Variants in MAP3K8 observed in about 807,000 individuals in gnomAD.
MAP3K8 encodes mitogen-activated protein kinase kinase kinase 8, also known as Ewing sarcoma transformant.
A neutral mutation model predicts 45.8 loss-of-function variants in MAP3K8; 22 were observed. The ratio of observed to expected loss-of-function variants is 0.48; its 90% CI spans 0.34 to 0.69. The LOEUF (loss-of-function observed/expected upper bound fraction) is 0.69. Among genes scored for constraint, MAP3K8 ranks in the 30% least tolerant of loss-of-function variants. The pLI is 0.01. For missense variants in MAP3K8, 419 were observed against 585.0 expected, an observed-to-expected ratio of 0.72 and a Z score of 2.93; for synonymous variants, 223 against 214.3, an observed-to-expected ratio of 1.04 and a Z score of -0.36.
rs1042058 is a variant in MAP3K8 at position 30,439,172 on chromosome 10, T to C, written c.234T>C (p.Tyr78=). 901,997 of 1,613,878 alleles carry C rather than the reference T, an allele frequency of 0.56. 263,489 individuals are homozygous for C. Among genetic ancestry groups the C allele is most frequent in the Non-Finnish European group, 0.61 (717,428 of 1,179,874 alleles). ...QEVPWLSSVR[Y]GTVEDLLAFA... ...TACCATGGTTGTCATCAGTCAGATA[T>C]GGAACTGTGGAGGATTTGCTTGCTT... The change falls in exon 3 of 9, where the codon TAT becomes TAC. Residue 78 remains tyrosine, a synonymous_variant. Coordinates refer to ENST00000263056, the MANE Select transcript of MAP3K8 (RefSeq NM_005204.4).
At chr10:30,441,473 A>G (rs1836106344) in intron 3 of MAP3K8, among the ~76,000 whole-genome samples, 1 of 152,194 alleles carries the variant, frequency 6.6e-6, no homozygotes, top group Non-Finnish European at 1.5e-5. Context: ...AATTTTAAGA[A>G]TAAACAAATA....
intron 2 of MAP3K8, among the ~76,000 whole-genome samples, 193 bp downstream of exon 2, chr10:30,437,599 A>G (rs918671287): frequency 7.9e-5 from 12 of 152,222 alleles, no homozygotes; most frequent in Admixed American, 3.3e-4. Context: ...GACACAATTC[A>G]TACGTCAGAA....
At chr10:30,448,573 C>T (rs1836426774) in intron 4 of MAP3K8, among the ~76,000 whole-genome samples, 2 of 151,960 alleles carry the variant, frequency 1.3e-5, no homozygotes, top group African/African-American at 4.8e-5. Flanking sequence ...ACTGGGATTA[C>T]AGGCACCTGC....
At position 30,434,327 on chromosome 10, in the gene MAP3K8, C is replaced by CG. The variant is rs946704668; in HGVS notation, c.-300dup. The CG allele has an allele frequency of 4.5e-5, 20 of 449,364 alleles. No individual in the cohort carries two copies. Among genetic ancestry groups the CG allele is most frequent in the African/African-American group, 4.3e-4 (20 of 47,022 alleles). The allele number at this position is 449,364 out of a possible 1,614,324, so 27.8% of individuals were successfully genotyped here. A position where few individuals can be genotyped will look rare whatever the true frequency, so the allele number is the denominator to read the frequency against. Reference sequence around the variant, plus strand: ...TGCAGCCAGCATCGCACCGAACCTTCGGGGGGCCGCGGCTGGAGCGCTCGG... The same window carrying CG: ...TGCAGCCAGCATCGCACCGAACCTTCGGGGGGGCCGCGGCTGGAGCGCTCGG... On this transcript the variant is annotated 5_prime_UTR_variant, in exon 1 of 9. Transcript: ENST00000263056.
intron 3 of MAP3K8, among the ~76,000 whole-genome samples, chr10:30,441,469 A>G (rs1214888338): frequency 1.3e-5 from 2 of 152,154 alleles, no homozygotes; most frequent in African/African-American, 2.4e-5. Context: ...GAAAAATTTT[A>G]AGAATAAACA....
At chr10:30,458,677 A>G (rs1836831560) in intron 7 of MAP3K8, among the ~76,000 whole-genome samples, 1 of 152,250 alleles carries the variant, frequency 6.6e-6, no homozygotes, top group South Asian at 2.1e-4. Context: ...GTTACTGCAC[A>G]GTGACTTTTG....
Position 30,446,681 on chromosome 10 carries a change from G to A in MAP3K8, c.337-1101G>A, listed in dbSNP as rs1283926455. ...AACACTCTGGACATGTTACAGGCAC[G>A]CGTTCCAGATTGCATTTCCCATGAA... On this transcript the variant is annotated intron_variant, in intron 3 of 8. Coordinates refer to ENST00000263056, the MANE Select transcript of MAP3K8 (RefSeq NM_005204.4). 3.3e-5 allele frequency among the ~76,000 whole-genome samples: 5 copies of A among 152,044 alleles called. No individual in the cohort carries two copies. The South Asian group carries it at 1.0e-3, about 32-fold the overall frequency.
chr10:30,442,708 G>A (rs1041530844), intron 3 of MAP3K8, among the ~76,000 whole-genome samples: 2 of 152,184 alleles, frequency 1.3e-5, no homozygotes, highest in Non-Finnish European at 1.5e-5. Context: ...AATCTAAAAT[G>A]AGTTCCAAAC....
intron 1 of MAP3K8, 197 bp downstream of exon 1, chr10:30,434,575 A>G (rs1295458732): frequency 2.0e-6 from 2 of 985,660 alleles, no homozygotes; most frequent in Non-Finnish European, 2.4e-6. Flanking sequence ...ACCTTGCGCA[A>G]GGGTCTCACG....
chr10:30,437,197 G>T lies in MAP3K8; in HGVS notation c.-233G>T, dbSNP rs1467886592. ...TTAGATGCAATCTTCTTACCGCGAA[G>T]AAGCCAGGGGAATAGGTAGCCACAT... On this transcript the variant is annotated 5_prime_UTR_variant, in exon 2 of 9. It introduces an in-frame stop codon into an upstream open reading frame of the 5' UTR. Transcript: ENST00000263056. The T allele has an allele frequency of 1.0e-6, 1 of 985,274 alleles. No homozygotes were observed. Among genetic ancestry groups the T allele is most frequent in the Non-Finnish European group, 1.2e-6 (1 of 829,906 alleles). 61.0% of individuals were successfully genotyped at this position (985,274 alleles called of 1,614,324 possible). A position where few individuals can be genotyped will look rare whatever the true frequency, so the allele number is the denominator to read the frequency against.
In MAP3K8 at chr10:30,434,350, C is replaced by T. The variant is rs992663600; in HGVS notation, c.-283C>T. Reference sequence around the variant, plus strand: ...TTCGGGGGGCCGCGGCTGGAGCGCTCGGCCGGCGTGGGAGCGCCAAGGCCG... The same window carrying T: ...TTCGGGGGGCCGCGGCTGGAGCGCTTGGCCGGCGTGGGAGCGCCAAGGCCG... On this transcript the variant is annotated 5_prime_UTR_variant, in exon 1 of 9. Transcript: ENST00000263056. 7.2e-6 allele frequency: 5 copies of T among 698,498 alleles called. 1 individual carries two copies. The South Asian group carries it at 3.2e-4, about 44-fold the overall frequency. 43.3% of individuals were successfully genotyped at this position (698,498 alleles called of 1,614,324 possible). A position where few individuals can be genotyped will look rare whatever the true frequency, so the allele number is the denominator to read the frequency against.
At chr10:30,453,915 A>AAG (rs376239307) in intron 6 of MAP3K8, among the ~76,000 whole-genome samples, 23 of 129,164 alleles carry the variant, frequency 1.8e-4, no homozygotes, top group African/African-American at 7.0e-4. Flanking sequence ...AGGGAGAGAG[A>AAG]GAAGGAAGGA....
In MAP3K8 at chr10:30,460,830, T is replaced by C. The variant is rs1452407525; in HGVS notation, c.1398T>C (p.Tyr466=). ...NLVRGPPTLE[Y]G is the part of the protein sequence containing the mutation. The stretch of plus-strand genomic sequence containing the variant: ...TTCGGGGACCACCAACGCTTGAATA[T>C]GGCTGAAGGATGCCATGTTTGCTCT... The change falls in exon 9 of 9, where the codon TAT becomes TAC. Residue 466 remains tyrosine (Y), a synonymous_variant. Transcript: ENST00000263056. The C allele has an allele frequency of 1.9e-6, 3 of 1,613,540 alleles. No individual in the cohort carries two copies. Among genetic ancestry groups the C allele is most frequent in the East Asian group, 2.2e-5 (1 of 44,900 alleles).
chr10:30,451,767 G>T, intron 6 of MAP3K8, 23 bp downstream of exon 6: 1 of 1,281,050 alleles, frequency 7.8e-7, no homozygotes, highest in South Asian at 1.4e-5. Flanking sequence ...ACATGAAAAG[G>T]GTTACTATTT....
intron 5 of MAP3K8, among the ~76,000 whole-genome samples, chr10:30,450,927 CAAAAAAAAAA>C (rs1390384535): frequency 9.8e-6 from 1 of 101,904 alleles, no homozygotes; most frequent in Admixed American, 1.0e-4. Flanking sequence ...ACTAAAAATA[CAAAAAAAAAA>C]AAAAAATAGC....
intron 1 of MAP3K8, among the ~76,000 whole-genome samples, chr10:30,435,960 T>C (rs1322873014): frequency 2.6e-5 from 4 of 152,374 alleles, no homozygotes; most frequent in East Asian, 1.9e-4. Flanking sequence ...ACTCACATTT[T>C]GTTTCTGTAT....
chr10:30,460,770 C>G lies in MAP3K8; in HGVS notation c.1338C>G (p.Ile446Met). Residue 446 changes from isoleucine to methionine, a missense_variant, in exon 9 of 9, where the codon ATC becomes ATG. By Grantham distance (10) the Ile-to-Met change is conservative (BLOSUM62 1). This residue lies in a region of MAP3K8 where 108 missense variants were observed against 124.2 expected (regional missense o/e 0.87). Transcript: ENST00000263056. ...EMLKRQRSLY[I>M]DLGALAGYFN... The stretch of plus-strand genomic sequence containing the variant: ...TCAAGAGGCAACGCTCTCTCTACAT[C>G]GACCTCGGCGCTCTGGCTGGCTACT... 6.2e-7 allele frequency: 1 copy of G among 1,613,992 alleles called. No individual in the cohort carries two copies. The highest frequency in any genetic ancestry group is 1.7e-5 in the Admixed American group (1 of 60,016).
At chr10:30,459,584 C>A in intron 8 of MAP3K8, 83 bp downstream of exon 8, 1 of 1,508,740 alleles carries the variant, frequency 6.6e-7, no homozygotes, top group Admixed American at 2.0e-5. Context: ...TTCATGAAAG[C>A]ACTTGGAAAA....
At chr10:30,435,213 A>G (rs1371085436) in intron 1 of MAP3K8, among the ~76,000 whole-genome samples, 2 of 152,222 alleles carry the variant, frequency 1.3e-5, no homozygotes, top group Non-Finnish European at 2.9e-5. Context: ...TCTTGATAAA[A>G]AACAGGGACA....
Sources: gnomAD v4.1 joint callset for allele counts (sites outside exome capture counted in the v4.1 genomes callset) on GRCh38, gnomAD v4.1.1 for gene constraint, gnomAD v4.1.1 regional missense constraint, MANE v1.5 for transcripts, NCBI Gene and HGNC (gene_info 2026-07-23, HGNC 2026-07-21) for gene names.